SLC25A26: variants seen among roughly 807,000 people sequenced by gnomAD.
The protein encoded by SLC25A26 is solute carrier family 25 member 26.
SLC25A26 carries 36 observed loss-of-function variants against 37.8 expected under a neutral mutation model. That is an observed-to-expected ratio of 0.95 (90% confidence interval 0.73 to 1.26). SLC25A26 has a LOEUF of 1.26. Ranked by LOEUF, SLC25A26 falls within the 50% of genes most tolerant of loss-of-function variation. The probability of loss-of-function intolerance (pLI) is 0.00; values close to 1 mark genes in which losing one functional copy is unlikely to be tolerated. For missense variants in SLC25A26, 390 were observed against 331.1 expected (o/e 1.18, Z -1.38); for synonymous variants, 129 against 122.5 (o/e 1.05, Z -0.35).
intron 9 of SLC25A26, among the ~76,000 whole-genome samples, chr3:66,377,257 A>G (rs1056791616): frequency 6.6e-6 from 1 of 152,172 alleles, no homozygotes; most frequent in African/African-American, 2.4e-5. Flanking sequence ...CTTTAGACAG[A>G]AAAGGAACAC....
At chr3:66,359,536 A>G (rs1309041378) in intron 6 of SLC25A26, among the ~76,000 whole-genome samples, 3 of 152,258 alleles carry the variant, frequency 2.0e-5, no homozygotes, top group East Asian at 1.9e-4. Context: ...TAAGTAGATT[A>G]ACTGAAAGTG....
intron 4 of SLC25A26, 130 bp from the exon 5 acceptor site, chr3:66,263,202 C>T: frequency 1.4e-6 from 1 of 692,204 alleles, no homozygotes; most frequent in Non-Finnish European, 2.6e-6. Flanking sequence ...AATCATTAAC[C>T]TCTTAGAGAA....
intron 1 of SLC25A26, among the ~76,000 whole-genome samples, chr3:66,150,288 A>G (rs529496118): frequency 6.6e-6 from 1 of 151,856 alleles, no homozygotes; most frequent in Non-Finnish European, 1.5e-5. Context: ...TCATGAGGTC[A>G]GGAGTTCAAG....
intron 6 of SLC25A26, among the ~76,000 whole-genome samples, chr3:66,348,425 A>G (rs1327576952): frequency 6.6e-6 from 1 of 152,220 alleles, no homozygotes; most frequent in Non-Finnish European, 1.5e-5. Flanking sequence ...CGCTGTGGAT[A>G]ATGGTCCAAA....
At chr3:66,375,009 G>A (rs1700564779) in intron 9 of SLC25A26, among the ~76,000 whole-genome samples, 1 of 152,190 alleles carries the variant, frequency 6.6e-6, no homozygotes, top group Admixed American at 6.5e-5. Flanking sequence ...AAATGCAAAG[G>A]AAAAGTTCTT....
chr3:66,342,236 C>G (rs574288257), intron 5 of SLC25A26, among the ~76,000 whole-genome samples: 33 of 152,112 alleles, frequency 2.2e-4, no homozygotes, highest in Non-Finnish European at 4.0e-4. Flanking sequence ...AGAGGTCTTG[C>G]ACACGGTTTC....
intron 1 of SLC25A26, among the ~76,000 whole-genome samples, chr3:66,157,699 C>A (rs2070302822): frequency 6.6e-6 from 1 of 152,164 alleles, no homozygotes; most frequent in African/African-American, 2.4e-5. Flanking sequence ...AAATTTTGAA[C>A]AATTAAATGA....
At chr3:66,293,217 A>G (rs948530133) in intron 5 of SLC25A26, 1 of 152,174 alleles carries the variant, frequency 6.6e-6, no homozygotes, top group Non-Finnish European at 1.5e-5. Context: ...GCTGGAGCCA[A>G]CGCGGAAAGC....
At chr3:66,364,291 C>T (rs888617981) in intron 7 of SLC25A26, among the ~76,000 whole-genome samples, 5 of 152,230 alleles carry the variant, frequency 3.3e-5, no homozygotes, top group African/African-American at 1.2e-4. Context: ...AGCACTTGTA[C>T]TGTCAGAAGG....
chr3:66,177,870 G>T (rs767516845), intron 1 of SLC25A26, among the ~76,000 whole-genome samples: 2 of 152,196 alleles, frequency 1.3e-5, no homozygotes, highest in Admixed American at 1.3e-4. Flanking sequence ...ACCCAGAAAG[G>T]TGTTGACTTT....
At chr3:66,265,088 GGTTT>G (rs1203599249) in intron 5 of SLC25A26, among the ~76,000 whole-genome samples, 1 of 152,092 alleles carries the variant, frequency 6.6e-6, no homozygotes, top group Non-Finnish European at 1.5e-5. Flanking sequence ...GGAGGTGGGT[GGTTT>G]GTTTGAGCCT....
intron 3 of SLC25A26, among the ~76,000 whole-genome samples, chr3:66,254,123 T>TC (rs782308300): frequency 5.3e-5 from 8 of 152,144 alleles, no homozygotes; most frequent in Non-Finnish European, 8.8e-5. Context: ...TGAACATAGG[T>TC]CCCAATGCAA....
At chr3:66,371,837 C>G (rs1373194427) in intron 9 of SLC25A26, among the ~76,000 whole-genome samples, 1 of 152,170 alleles carries the variant, frequency 6.6e-6, no homozygotes, top group Non-Finnish European at 1.5e-5. Context: ...GGGCTCACAC[C>G]TGTAATCCCA....
At chr3:66,300,704 A>G (rs1023919840) in intron 5 of SLC25A26, among the ~76,000 whole-genome samples, 1 of 152,174 alleles carries the variant, frequency 6.6e-6, no homozygotes, top group Non-Finnish European at 1.5e-5. Flanking sequence ...AAGTTTGAGC[A>G]GTATAATTTT....
At chr3:66,278,408 A>G (rs1339306036) in intron 5 of SLC25A26, among the ~76,000 whole-genome samples, 1 of 152,096 alleles carries the variant, frequency 6.6e-6, no homozygotes, top group Non-Finnish European at 1.5e-5. Context: ...ATCCCTCTCC[A>G]TTCTGGTTCC....
At chr3:66,357,634 A>G (rs2076606102) in intron 6 of SLC25A26, among the ~76,000 whole-genome samples, 1 of 152,040 alleles carries the variant, frequency 6.6e-6, no homozygotes, top group Admixed American at 6.6e-5. Flanking sequence ...GACAGAAATG[A>G]TCATTAGACC....
chr3:66,346,226 A>G (rs977845754), intron 5 of SLC25A26, 138 bp from the exon 6 acceptor site: 6 of 465,864 alleles, frequency 1.3e-5, no homozygotes, highest in African/African-American at 8.2e-5. Context: ...TCTAAACATT[A>G]TGTCTACTAT....
chr3:66,370,421 G>A (rs1700282873), intron 8 of SLC25A26, 108 bp from the exon 9 acceptor site: 2 of 900,486 alleles, frequency 2.2e-6, no homozygotes, highest in East Asian at 5.2e-5. Flanking sequence ...CTGACACTGT[G>A]TTCTAGATGA....
At chr3:66,227,591 A>T (rs1259183519) in intron 1 of SLC25A26, among the ~76,000 whole-genome samples, 1 of 152,174 alleles carries the variant, frequency 6.6e-6, no homozygotes, top group African/African-American at 2.4e-5. Flanking sequence ...TCATTGGGAG[A>T]TTCATGTTAT....
Sources: gnomAD v4.1 joint callset for allele counts (sites outside exome capture counted in the v4.1 genomes callset) on GRCh38, gnomAD v4.1.1 for gene constraint, MANE v1.5 for transcripts, NCBI Gene and HGNC (gene_info 2026-07-23, HGNC 2026-07-21) for gene names.